PTPRG: variants seen among roughly 807,000 people sequenced by gnomAD.
PTPRG encodes the protein protein tyrosine phosphatase receptor type G.
A neutral mutation model predicts 165.3 loss-of-function variants in PTPRG; 102 were observed. The observed-to-expected ratio is 0.62, with a 90% CI of 0.53 to 0.73. The LOEUF is 0.73. Among genes scored for constraint, PTPRG ranks in the 30% least tolerant of loss-of-function variants. The pLI is 0.00. For synonymous variants in PTPRG, 675 were observed against 669.5 expected (o/e 1.01, Z -0.13); for missense variants, 1,866 against 1,861.4 (o/e 1.00, Z -0.05).
At chr3:61,679,796 A>G (rs1703366054) in intron 1 of PTPRG, among the ~76,000 whole-genome samples, 1 of 152,030 alleles carries the variant, frequency 6.6e-6, no homozygotes, top group Non-Finnish European at 1.5e-5. Flanking sequence ...CCAAAAAAAC[A>G]GAAAAGCAAA....
At chr3:61,947,905 T>G (rs992219132) in intron 2 of PTPRG, among the ~76,000 whole-genome samples, 2 of 152,182 alleles carry the variant, frequency 1.3e-5, no homozygotes, top group Admixed American at 1.3e-4. Flanking sequence ...CCTGCTTGCC[T>G]TTCAGAAGGA....
rs35299199 is a variant in PTPRG at position 61,567,665 on chromosome 3, C to CAA, written c.85+5310_85+5311dup. Reference sequence around the variant, plus strand: ...TGAGTGACACAGTGAGACCCTGTCTCAAAAAAAAAAAAAAAAAATTAAAAG... The same window carrying CAA: ...TGAGTGACACAGTGAGACCCTGTCTCAAAAAAAAAAAAAAAAAAAATTAAAAG... On this transcript the variant is annotated intron_variant, in intron 1 of 29. Transcript: ENST00000474889. Among the ~76,000 whole-genome samples the CAA allele has an allele frequency of 7.6e-3, 850 of 111,416 alleles. 19 individuals are homozygous for CAA. The highest frequency in any genetic ancestry group is 0.035 in the East Asian group (133 of 3,810). 73.1% of individuals were successfully genotyped at this position (111,416 alleles called of 152,430 possible). A position where few individuals can be genotyped will look rare whatever the true frequency, so the allele number is the denominator to read the frequency against.
chr3:62,194,982 C>A, intron 9 of PTPRG, 80 bp from the exon 10 acceptor site: 2 of 1,324,442 alleles, frequency 1.5e-6, no homozygotes, highest in South Asian at 1.2e-5. Context: ...ATTGTCACGG[C>A]ACTCAGGTTT....
At chr3:62,185,673 T>C (rs1161561954) in intron 8 of PTPRG, among the ~76,000 whole-genome samples, 1 of 152,244 alleles carries the variant, frequency 6.6e-6, no homozygotes, top group Non-Finnish European at 1.5e-5. Context: ...CACGTGTGGA[T>C]GCAGGCGTGA....
intron 4 of PTPRG, among the ~76,000 whole-genome samples, chr3:62,065,327 C>T (rs1449701334): frequency 1.3e-5 from 2 of 152,046 alleles, no homozygotes; most frequent in African/African-American, 4.8e-5. Flanking sequence ...CAGGGAAGTC[C>T]ATGGTTGTGT....
At chr3:61,813,687 T>C (rs2035665691) in intron 2 of PTPRG, among the ~76,000 whole-genome samples, 1 of 151,914 alleles carries the variant, frequency 6.6e-6, no homozygotes, top group African/African-American at 2.4e-5. Context: ...ATTGAATGTA[T>C]ACTATGTTCT....
At chr3:61,673,497 A>G (rs1237496280) in intron 1 of PTPRG, among the ~76,000 whole-genome samples, 4 of 152,204 alleles carry the variant, frequency 2.6e-5, no homozygotes, top group African/African-American at 9.7e-5. Context: ...TATTATTGAG[A>G]GCCAGTTTGG....
At chr3:61,628,757 C>A (rs929817263) in intron 1 of PTPRG, among the ~76,000 whole-genome samples, 1 of 152,184 alleles carries the variant, frequency 6.6e-6, no homozygotes, top group Non-Finnish European at 1.5e-5. Context: ...ACAGCTACCA[C>A]TCATCCATCT....
chr3:61,834,765 A>C (rs2036411428), intron 2 of PTPRG, among the ~76,000 whole-genome samples: 1 of 152,172 alleles, frequency 6.6e-6, no homozygotes, highest in African/African-American at 2.4e-5. Flanking sequence ...GTGAGCTGAG[A>C]TCGTGCCACT....
At chr3:61,595,685 T>C (rs1700684857) in intron 1 of PTPRG, among the ~76,000 whole-genome samples, 2 of 152,248 alleles carry the variant, frequency 1.3e-5, no homozygotes, top group African/African-American at 4.8e-5. Context: ...TGGGACTGTC[T>C]AATATTCACA....
At chr3:61,586,608 T>G (rs185795616) in intron 1 of PTPRG, among the ~76,000 whole-genome samples, 1 of 152,308 alleles carries the variant, frequency 6.6e-6, no homozygotes, top group East Asian at 1.9e-4. Flanking sequence ...CCTGACTTCC[T>G]GGGAAGGAAC....
chr3:61,562,416 G>T, intron 1 of PTPRG, 44 bp downstream of exon 1: 2 of 1,591,574 alleles, frequency 1.3e-6, no homozygotes, highest in Non-Finnish European at 8.6e-7. Context: ...GCCGGCGCGC[G>T]TTGGGGATGC....
chr3:61,905,326 G>A (rs1303002680), intron 2 of PTPRG, among the ~76,000 whole-genome samples: 4 of 152,002 alleles, frequency 2.6e-5, no homozygotes, highest in Non-Finnish European at 5.9e-5. Flanking sequence ...TCCTCTAAAC[G>A]GTCTTGTCAT....
At chr3:62,036,209 G>A (rs1452460636) in intron 4 of PTPRG, among the ~76,000 whole-genome samples, 2 of 152,196 alleles carry the variant, frequency 1.3e-5, no homozygotes, top group Non-Finnish European at 2.9e-5. Flanking sequence ...TTTGTTGGGG[G>A]TTGTGGGTTA....
At chr3:61,992,787 G>T (rs527649864) in intron 3 of PTPRG, among the ~76,000 whole-genome samples, 1 of 152,302 alleles carries the variant, frequency 6.6e-6, no homozygotes, top group African/African-American at 2.4e-5. Context: ...CTCCCAAAGT[G>T]CTGGGATTAC....
At chr3:61,699,134 A>G (rs549103190) in intron 1 of PTPRG, among the ~76,000 whole-genome samples, 1 of 152,284 alleles carries the variant, frequency 6.6e-6, no homozygotes, top group East Asian at 1.9e-4. Context: ...ACAAACCTGC[A>G]TGTTGTGCAC....
chr3:61,696,867 C>G (rs886361143), intron 1 of PTPRG, among the ~76,000 whole-genome samples: 1 of 152,150 alleles, frequency 6.6e-6, no homozygotes, highest in African/African-American at 2.4e-5. Flanking sequence ...TTAAATATTG[C>G]CTTCTCCACT....
chr3:62,003,989 T>C (rs1051528234), intron 4 of PTPRG, among the ~76,000 whole-genome samples: 1 of 152,136 alleles, frequency 6.6e-6, no homozygotes, highest in African/African-American at 2.4e-5. Flanking sequence ...TTTGTTAGGA[T>C]TGATGGTGAC....
chr3:61,748,869 C>T lies in PTPRG; in HGVS notation c.86-9C>T. On this transcript the variant is annotated splice_polypyrimidine_tract_variant and intron_variant, in intron 1 of 29. Coordinates refer to ENST00000474889, the MANE Select transcript of PTPRG (RefSeq NM_002841.4). Reference sequence around the variant, plus strand: ...CCTTTGTCTCATTGTGGGTTTTCCTCTCTTCCAGCGTTGACAGAAGGCTAC... The same window carrying T: ...CCTTTGTCTCATTGTGGGTTTTCCTTTCTTCCAGCGTTGACAGAAGGCTAC... 4.3e-6 allele frequency: 7 copies of T among 1,611,886 alleles called. No individual in the cohort carries two copies. Among genetic ancestry groups the T allele is most frequent in the Non-Finnish European group, 5.9e-6 (7 of 1,179,246 alleles).
Sources: allele counts gnomAD v4.1 joint callset (sites outside exome capture counted in the v4.1 genomes callset), GRCh38; gene constraint gnomAD v4.1.1; transcripts MANE v1.5; gene names NCBI Gene and HGNC (gene_info 2026-07-23, HGNC 2026-07-21).